Variants in XKR4 observed in about 807,000 individuals in gnomAD.
The protein encoded by XKR4 is XK related 4.
Under a neutral mutation model 53.9 loss-of-function variants are expected in XKR4, and 12 were observed. The ratio of observed to expected loss-of-function variants is 0.22; its 90% CI spans 0.14 to 0.36. XKR4 has a LOEUF of 0.36. XKR4 is among the 10% of genes least tolerant of loss of function. The pLI is 1.00. For synonymous variants in XKR4, 354 were observed against 362.4 expected, an observed-to-expected ratio of 0.98 and a Z score of 0.26; for missense variants, 799 against 859.5, an observed-to-expected ratio of 0.93 and a Z score of 0.88.
At chr8:55,121,480 T>C (rs1299451680) in intron 1 of XKR4, among the ~76,000 whole-genome samples, 1 of 152,226 alleles carries the variant, frequency 6.6e-6, no homozygotes, top group Non-Finnish European at 1.5e-5. Flanking sequence ...TAGGGAGTAG[T>C]TTGCTGTTTA....
intron 2 of XKR4, among the ~76,000 whole-genome samples, chr8:55,418,680 C>T (rs1031987748): frequency 6.6e-6 from 1 of 152,208 alleles, no homozygotes; most frequent in African/African-American, 2.4e-5. Context: ...AATCCTTCAA[C>T]ATCGTCCCAG....
At chr8:55,522,674 T>A (rs1465208353) in intron 2 of XKR4, among the ~76,000 whole-genome samples, 1 of 152,172 alleles carries the variant, frequency 6.6e-6, no homozygotes. Flanking sequence ...ATTTTGACAA[T>A]AGTCCAAGGT....
chr8:55,495,947 AG>A (rs1283936460), intron 2 of XKR4, among the ~76,000 whole-genome samples: 3 of 152,242 alleles, frequency 2.0e-5, no homozygotes, highest in African/African-American at 7.2e-5. Flanking sequence ...GCACCATATG[AG>A]AAATATTTTA....
At position 55,524,368 on chromosome 8, in the gene XKR4, C is replaced by G; in HGVS notation, c.*141C>G. 1 of 868,850 alleles carries G rather than the reference C, an allele frequency of 1.2e-6. No homozygotes were observed. The highest frequency in any genetic ancestry group is 1.7e-6 in the Non-Finnish European group (1 of 581,048). The allele number at this position is 868,850 out of a possible 1,614,324, so 53.8% of individuals were successfully genotyped here. On this transcript the variant is annotated 3_prime_UTR_variant, in exon 3 of 3. Transcript: ENST00000327381. ...CCGTCATCACCATTATCATTTGATC[C>G]TGTCGGCTGGGGGCGGCTGGTCTCC...
At chr8:55,468,113 G>C (rs151133468) in intron 2 of XKR4, among the ~76,000 whole-genome samples, 1 of 152,056 alleles carries the variant, frequency 6.6e-6, no homozygotes, top group Non-Finnish European at 1.5e-5. Flanking sequence ...AGGAACTATA[G>C]AGTGGGAAAT....
At chr8:55,202,361 C>T (rs1817587095) in intron 1 of XKR4, among the ~76,000 whole-genome samples, 1 of 152,116 alleles carries the variant, frequency 6.6e-6, no homozygotes, top group Non-Finnish European at 1.5e-5. Flanking sequence ...ATAAAAAGGG[C>T]GAAGCAACGT....
At chr8:55,236,741 A>G (rs1818133165) in intron 1 of XKR4, among the ~76,000 whole-genome samples, 1 of 152,000 alleles carries the variant, frequency 6.6e-6, no homozygotes, top group Non-Finnish European at 1.5e-5. Context: ...TTCTCTTTGA[A>G]TGTGTCTTCC....
intron 1 of XKR4, among the ~76,000 whole-genome samples, chr8:55,281,753 A>G (rs926131961): frequency 5.9e-5 from 9 of 152,226 alleles, no homozygotes; most frequent in African/African-American, 2.2e-4. Context: ...TGTTCTGTCA[A>G]AAAATCCCCA....
chr8:55,265,451 C>T (rs1293981494), intron 1 of XKR4, among the ~76,000 whole-genome samples: 1 of 152,156 alleles, frequency 6.6e-6, no homozygotes, highest in African/African-American at 2.4e-5. Context: ...GGTCCCTCAG[C>T]AGTGGGATCC....
intron 1 of XKR4, among the ~76,000 whole-genome samples, chr8:55,227,103 T>C (rs1817963398): frequency 6.6e-6 from 1 of 152,184 alleles, no homozygotes; most frequent in South Asian, 2.1e-4. Context: ...CTTCTGCCAG[T>C]GCACCCTGAG....
intron 2 of XKR4, among the ~76,000 whole-genome samples, chr8:55,482,169 G>A (rs1236100298): frequency 6.6e-6 from 1 of 152,034 alleles, no homozygotes; most frequent in African/African-American, 2.4e-5. Context: ...ATGATAGACT[G>A]GATTAAGAAA....
At position 55,537,024 on chromosome 8, in the gene XKR4, C is replaced by G. The variant is rs147429431; in HGVS notation, c.*12797C>G. ...TTATGATATTTTTTAAGCCTAAAAA[C>G]CATTCAAATTGCTTGACAAAATTAT... On this transcript the variant is annotated 3_prime_UTR_variant, in exon 3 of 3. Transcript: ENST00000327381. 6.6e-6 allele frequency: 1 copy of G among 152,154 alleles called. No homozygotes were observed. The highest frequency in any genetic ancestry group is 1.9e-4 in the East Asian group (1 of 5,206). The allele number at this position is 152,154 out of a possible 1,614,324, so 9.4% of individuals were successfully genotyped here. A position where few individuals can be genotyped will look rare whatever the true frequency, so the allele number is the denominator to read the frequency against.
At chr8:55,272,136 G>T (rs141822385) in intron 1 of XKR4, among the ~76,000 whole-genome samples, 45 of 152,248 alleles carry the variant, frequency 3.0e-4, no homozygotes, top group African/African-American at 1.1e-3. Flanking sequence ...ACAATGAAAA[G>T]AACAAAGAAT....
chr8:55,463,356 A>C (rs1032561725), intron 2 of XKR4, among the ~76,000 whole-genome samples: 2 of 151,932 alleles, frequency 1.3e-5, no homozygotes, highest in African/African-American at 4.8e-5. Context: ...GAAACTGAAC[A>C]ACCTGCTCCT....
chr8:55,278,252 G>T (rs753111413), intron 1 of XKR4, among the ~76,000 whole-genome samples: 1 of 150,540 alleles, frequency 6.6e-6, no homozygotes, highest in Non-Finnish European at 1.5e-5. Flanking sequence ...CACAAGAATC[G>T]TTCCAACCCT....
chr8:55,524,316 C>A lies in XKR4; in HGVS notation c.*89C>A. 7.6e-7 allele frequency: 1 copy of A among 1,323,070 alleles called. No individual in the cohort carries two copies. The highest frequency in any genetic ancestry group is 1.5e-5 in the African/African-American group (1 of 67,966). 82.0% of individuals were successfully genotyped at this position (1,323,070 alleles called of 1,614,324 possible). A position where few individuals can be genotyped will look rare whatever the true frequency, so the allele number is the denominator to read the frequency against. Reference sequence around the variant, plus strand: ...AATGACACTTCATCCTAGAGCAGGGCAGTGAGCCGTGAAGTTCCTAGTGGG... The same window carrying A: ...AATGACACTTCATCCTAGAGCAGGGAAGTGAGCCGTGAAGTTCCTAGTGGG... On this transcript the variant is annotated 3_prime_UTR_variant, in exon 3 of 3. Transcript: ENST00000327381.
chr8:55,448,867 G>T (rs1805381415), intron 2 of XKR4, among the ~76,000 whole-genome samples: 1 of 152,110 alleles, frequency 6.6e-6, no homozygotes, highest in Non-Finnish European at 1.5e-5. Context: ...TACAAATAAA[G>T]AAAATTATTA....
chr8:55,171,576 G>A (rs529854427), intron 1 of XKR4, among the ~76,000 whole-genome samples: 93 of 152,196 alleles, frequency 6.1e-4, no homozygotes, highest in Non-Finnish European at 1.3e-3. Flanking sequence ...TTGGTTCCTC[G>A]TCTGTATGTT....
At chr8:55,334,603 C>T (rs74460438) in intron 1 of XKR4, among the ~76,000 whole-genome samples, 2,551 of 152,298 alleles carry the variant, frequency 0.017, 34 homozygotes, top group Non-Finnish European at 0.027. Context: ...CCCCTCTCTT[C>T]ACTCCCAACT....
Sources: gnomAD v4.1 joint callset for allele counts (sites outside exome capture counted in the v4.1 genomes callset) on GRCh38, gnomAD v4.1.1 for gene constraint, MANE v1.5 for transcripts, NCBI Gene and HGNC (gene_info 2026-07-23, HGNC 2026-07-21) for gene names.